The following SAMD12 variants were observed in gnomAD, a reference collection of about 807,000 sequenced individuals.
SAMD12 encodes the protein sterile alpha motif domain containing 12.
Under a neutral mutation model 15.0 loss-of-function variants are expected in SAMD12, and 9 were observed. That is an observed-to-expected ratio of 0.60 (90% CI 0.36 to 1.05). The LOEUF (loss-of-function observed/expected upper bound fraction) is 1.05. SAMD12 is among the 50% of genes least tolerant of loss of function. SAMD12 has a pLI of 0.01. For synonymous variants in SAMD12, 86 were observed against 90.1 expected (o/e 0.96, Z 0.25); for missense variants, 230 against 234.2 (o/e 0.98, Z 0.12).
intron 2 of SAMD12, among the ~76,000 whole-genome samples, chr8:118,511,400 C>A (rs1369332938): frequency 2.0e-5 from 3 of 151,826 alleles, no homozygotes; most frequent in African/African-American, 7.2e-5. Context: ...ACATATTATG[C>A]CTTGTCTAGC....
At chr8:118,501,944 T>G (rs7820318) in intron 2 of SAMD12, among the ~76,000 whole-genome samples, 105,508 of 149,974 alleles carry the variant, frequency 0.7, 38,142 homozygotes, top group African/African-American at 0.9. Context: ...ACGAACCCGT[T>G]GGGGGGCGGA....
intron 4 of SAMD12, among the ~76,000 whole-genome samples, chr8:118,305,815 T>C (rs1815317643): frequency 6.6e-6 from 1 of 152,152 alleles, no homozygotes; most frequent in Admixed American, 6.5e-5. Context: ...TGGGATGACA[T>C]TGCCTAGACT....
chr8:118,266,204 T>A (rs1813195481), intron 4 of SAMD12, among the ~76,000 whole-genome samples: 1 of 152,130 alleles, frequency 6.6e-6, no homozygotes, highest in Non-Finnish European at 1.5e-5. Context: ...TGCCTGATGA[T>A]CCAATCACCT....
intron 2 of SAMD12, among the ~76,000 whole-genome samples, chr8:118,495,372 A>C (rs1045655660): frequency 2.0e-5 from 3 of 152,148 alleles, no homozygotes; most frequent in African/African-American, 7.2e-5. Context: ...AGTCTAAAAA[A>C]CAGTTCCAAA....
At chr8:118,208,357 T>C (rs921141511) in intron 4 of SAMD12, among the ~76,000 whole-genome samples, 2 of 152,236 alleles carry the variant, frequency 1.3e-5, no homozygotes, top group African/African-American at 4.8e-5. Flanking sequence ...GTAGAAGGTA[T>C]CTTTAAACAG....
rs570469910 is a variant in SAMD12, at chr8:118,469,293, GGTAA to G, written c.193-29336_193-29333del. 1.8e-4 allele frequency among the ~76,000 whole-genome samples: 27 copies of G among 149,904 alleles called. No individual in the cohort carries two copies. The South Asian group carries it at 4.8e-3, about 27-fold the overall frequency. On this transcript the variant is annotated intron_variant, in intron 2 of 3. Transcript: ENST00000314727. ...TGCAGGATTTTCAGCAGAACTGTGAGGTAAGTGTTATTTCATCCATTTCATAAAT... is the reference window on the plus strand; with the variant it reads ...TGCAGGATTTTCAGCAGAACTGTGAGGTGTTATTTCATCCATTTCATAAAT...
At chr8:118,540,882 C>A (rs530335453) in intron 2 of SAMD12, among the ~76,000 whole-genome samples, 2 of 152,266 alleles carry the variant, frequency 1.3e-5, no homozygotes, top group Admixed American at 1.3e-4. Flanking sequence ...TTCCATCAGG[C>A]CATAGGATCC....
At chr8:118,617,939 A>T (rs146523714) in intron 1 of SAMD12, among the ~76,000 whole-genome samples, 2,399 of 152,302 alleles carry the variant, frequency 0.016, 32 homozygotes, top group Non-Finnish European at 0.022. Context: ...CTGTCCATAG[A>T]GAATGGATTA....
chr8:118,252,462 A>C lies in SAMD12; in HGVS notation c.434-54730T>G, dbSNP rs540671131. On this transcript the variant is annotated intron_variant, in intron 4 of 4. Coordinates refer to the SAMD12 transcript ENST00000409003. The stretch of plus-strand genomic sequence containing the variant: ...TTGGCAGAGCCAGGAGGAGCACCTT[A>C]TCATCTTTCTCCTGTCTTGGTAGTG... Among the ~76,000 whole-genome samples the C allele has an allele frequency of 7.0e-4, 106 of 151,440 alleles. 1 individual carries two copies. Among genetic ancestry groups the C allele is most frequent in the Non-Finnish European group, 5.4e-4 (37 of 68,018 alleles).
intron 2 of SAMD12, among the ~76,000 whole-genome samples, chr8:118,574,782 A>G (rs372580787): frequency 6.6e-6 from 1 of 152,216 alleles, no homozygotes; most frequent in Non-Finnish European, 1.5e-5. Flanking sequence ...CTTAAGAAGT[A>G]CATCCTCATT....
intron 4 of SAMD12, among the ~76,000 whole-genome samples, chr8:118,326,114 TA>T (rs1324351235): frequency 6.6e-6 from 1 of 152,202 alleles, no homozygotes; most frequent in Non-Finnish European, 1.5e-5. Context: ...AATTTCTTAA[TA>T]ATAGTGCCCT....
intron 3 of SAMD12, among the ~76,000 whole-genome samples, chr8:118,408,227 G>T (rs73311730): frequency 6.6e-6 from 1 of 151,960 alleles, no homozygotes; most frequent in African/African-American, 2.4e-5. Flanking sequence ...CCAGATAAAT[G>T]TCAAAGACTA....
chr8:118,441,908 A>T (rs1024168146), intron 2 of SAMD12, among the ~76,000 whole-genome samples: 9 of 152,190 alleles, frequency 5.9e-5, no homozygotes, highest in African/African-American at 2.2e-4. Context: ...TGGAGAGACC[A>T]TGTGTAGGAA....
intron 2 of SAMD12, among the ~76,000 whole-genome samples, chr8:118,572,804 A>T (rs1827052731): frequency 6.6e-6 from 1 of 151,972 alleles, no homozygotes; most frequent in African/African-American, 2.4e-5. Context: ...CTAATACACC[A>T]GGTGATATGG....
intron 3 of SAMD12, among the ~76,000 whole-genome samples, chr8:118,409,393 G>A (rs11985716): frequency 0.35 from 52,086 of 148,850 alleles, 9,608 homozygotes; most frequent in African/African-American, 0.42. Flanking sequence ...TGGTTTTTAA[G>A]GATTTATTAG....
At chr8:118,404,199 GTC>G (rs1346619799) in intron 3 of SAMD12, among the ~76,000 whole-genome samples, 1 of 152,126 alleles carries the variant, frequency 6.6e-6, no homozygotes, top group African/African-American at 2.4e-5. Flanking sequence ...GCCTAAGCTG[GTC>G]TAGAACTCCT....
At chr8:118,187,315 T>C (rs1819258713), downstream of SAMD12, among the ~76,000 whole-genome samples, 1 of 152,224 alleles carries the variant, frequency 6.6e-6, no homozygotes, top group South Asian at 2.1e-4. Context: ...AAAGCTATTT[T>C]ACAGTGTACA....
intron 1 of SAMD12, among the ~76,000 whole-genome samples, chr8:118,591,658 T>C (rs1586841768): frequency 6.6e-6 from 1 of 151,976 alleles, no homozygotes; most frequent in East Asian, 1.9e-4. Flanking sequence ...AACTAAAGTA[T>C]AATTCAGTAG....
intron 3 of SAMD12, among the ~76,000 whole-genome samples, chr8:118,393,025 G>T (rs1240205444): frequency 6.6e-6 from 1 of 152,146 alleles, no homozygotes; most frequent in Non-Finnish European, 1.5e-5. Flanking sequence ...TCAGGTTGCT[G>T]AGGAGGCAAA....
Sources: allele counts gnomAD v4.1 joint callset (sites outside exome capture counted in the v4.1 genomes callset), GRCh38; gene constraint gnomAD v4.1.1; transcripts MANE v1.5; gene names NCBI Gene and HGNC (gene_info 2026-07-23, HGNC 2026-07-21).